PPP6R2: variants seen among roughly 807,000 people sequenced by gnomAD.
PPP6R2 encodes the protein serine/threonine-protein phosphatase 6 regulatory subunit 2.
In PPP6R2, 62 loss-of-function variants were observed where a neutral mutation model predicts 100.2. That is an observed-to-expected ratio of 0.62 (90% CI 0.50 to 0.76). The LOEUF is 0.76. PPP6R2 is among the 30% of genes least tolerant of loss of function. PPP6R2 has a pLI of 0.00. For synonymous variants in PPP6R2, 525 were observed against 514.7 expected, an observed-to-expected ratio of 1.02 and a Z score of -0.27; for missense variants, 1,142 against 1,276.3, an observed-to-expected ratio of 0.89 and a Z score of 1.60.
intron 1 of PPP6R2, among the ~76,000 whole-genome samples, chr22:50,350,270 G>A (rs966063623): frequency 6.6e-6 from 1 of 151,716 alleles, no homozygotes; most frequent in Non-Finnish European, 1.5e-5. Flanking sequence ...CCCTCTTGTT[G>A]CCCTGGCTGG....
chr22:50,405,520 T>G, intron 3 of PPP6R2, among the ~76,000 whole-genome samples: 1 of 96,058 alleles, frequency 1.0e-5, no homozygotes, highest in Non-Finnish European at 2.1e-5. Flanking sequence ...TGGAGAGAGG[T>G]GAGAGGCCTG....
At chr22:50,413,093 G>A (rs1162189786) in intron 4 of PPP6R2, among the ~76,000 whole-genome samples, 2 of 151,704 alleles carry the variant, frequency 1.3e-5, no homozygotes, top group African/African-American at 4.8e-5. Flanking sequence ...GAGTAGCTGG[G>A]ATTACAGGCA....
chr22:50,343,029 G>A (rs2042582058), upstream of PPP6R2, among the ~76,000 whole-genome samples: 1 of 152,230 alleles, frequency 6.6e-6, no homozygotes, highest in Non-Finnish European at 1.5e-5. Flanking sequence ...CGGGCCACGC[G>A]AGGATTGTTT....
At chr22:50,410,028 T>C (rs2059521945) in intron 4 of PPP6R2, among the ~76,000 whole-genome samples, 1 of 152,166 alleles carries the variant, frequency 6.6e-6, no homozygotes, top group African/African-American at 2.4e-5. Flanking sequence ...GCACACGGCC[T>C]ATTTTGTTTT....
chr22:50,430,816 G>T (rs1431642439), intron 10 of PPP6R2, among the ~76,000 whole-genome samples: 2 of 150,118 alleles, frequency 1.3e-5, no homozygotes, highest in African/African-American at 4.9e-5. Flanking sequence ...AGGGGTTGCA[G>T]TGAGCCGAGA....
At chr22:50,437,713 G>A in intron 16 of PPP6R2, 110 bp downstream of exon 16, 3 of 1,386,978 alleles carry the variant, frequency 2.2e-6, no homozygotes, top group Non-Finnish European at 3.0e-6. Flanking sequence ...GATGTCCCCG[G>A]GAGACAGCAG....
the PPP6R2 span, among the ~76,000 whole-genome samples, chr22:50,332,465 C>T: frequency 1.3e-5 from 2 of 150,462 alleles, no homozygotes; most frequent in Non-Finnish European, 1.5e-5. Flanking sequence ...CTCCTGACCT[C>T]GTGATCCGCC....
At chr22:50,364,520 T>C (rs2148391169) in intron 1 of PPP6R2, among the ~76,000 whole-genome samples, 1 of 152,288 alleles carries the variant, frequency 6.6e-6, no homozygotes, top group East Asian at 1.9e-4. Flanking sequence ...TAGACTTCAA[T>C]ATATTTAAAA....
intron 3 of PPP6R2, 23 bp downstream of exon 3, chr22:50,394,158 G>A: frequency 6.2e-7 from 1 of 1,609,310 alleles, no homozygotes; most frequent in Non-Finnish European, 8.5e-7. Flanking sequence ...GCTGTGACGG[G>A]CCAGTACGCC....
chr22:50,397,638 C>T (rs1009727651), intron 3 of PPP6R2, among the ~76,000 whole-genome samples: 1 of 122,330 alleles, frequency 8.2e-6, no homozygotes, highest in African/African-American at 4.0e-5. Flanking sequence ...TCCTCACCAG[C>T]CTTGTCATCT....
chr22:50,365,548 G>A (rs1328093280), intron 1 of PPP6R2, among the ~76,000 whole-genome samples: 2 of 151,600 alleles, frequency 1.3e-5, no homozygotes, highest in South Asian at 2.1e-4. Context: ...GCGTGGTGGC[G>A]GGCGCCTGTA....
rs764404224 is a variant in PPP6R2 at position 50,423,657 on chromosome 22, C to G, written c.1125+43C>G. ...CCAGCCCTGCATGTCTGTGAGTGTG[C>G]CGGGCATGGCCTGTGGACTTGTCAG... On this transcript the variant is annotated intron_variant, in intron 10 of 23. Coordinates refer to ENST00000612753, the MANE Select transcript of PPP6R2 (RefSeq NM_001242898.2). This position sits in a 1 kb window ranked among gnomAD's most constrained non-coding sequence, Gnocchi z 4.8. 1 of 1,608,122 alleles carries G rather than the reference C, an allele frequency of 6.2e-7. No individual in the cohort carries two copies. Among genetic ancestry groups the G allele is most frequent in the Non-Finnish European group, 8.5e-7 (1 of 1,176,118 alleles).
intron 2 of PPP6R2, among the ~76,000 whole-genome samples, chr22:50,377,966 G>A (rs1157737327): frequency 2.6e-5 from 4 of 151,826 alleles, no homozygotes; most frequent in African/African-American, 7.2e-5. Context: ...GAGCTTGAGC[G>A]CTCCAGCCTG....
In PPP6R2 at chr22:50,398,692, T is replaced by G. The variant is rs554717869; in HGVS notation, c.227+4557T>G. ...CAGCATGCCTGGCTAATTTTTTGTA[T>G]TTTTAGAAGAGACGGGGTTACCATG... On this transcript the variant is annotated intron_variant, in intron 3 of 23. Transcript: ENST00000612753. Among the ~76,000 whole-genome samples, 11 of 151,584 alleles carry G rather than the reference T, an allele frequency of 7.3e-5. No individual in the cohort carries two copies. In the East Asian group the frequency reaches 2.0e-3, roughly 27 times the overall value.
In PPP6R2 at chr22:50,422,388, GC is replaced by G; in HGVS notation, c.972+10del. The G allele has an allele frequency of 6.2e-7, 1 of 1,613,672 alleles. No individual in the cohort carries two copies. The highest frequency in any genetic ancestry group is 8.5e-7 in the Non-Finnish European group (1 of 1,179,726). ...CTGCTCAACCCGCCCAAGGTAAATG[GC>G]CGTGGCGACTGCTGAGTGCCTTTGG... On this transcript the variant is annotated intron_variant, in intron 9 of 23. Transcript: ENST00000612753.
intron 1 of PPP6R2, among the ~76,000 whole-genome samples, chr22:50,365,352 T>C (rs2048546011): frequency 6.6e-6 from 1 of 152,010 alleles, no homozygotes; most frequent in Non-Finnish European, 1.5e-5. Flanking sequence ...ATTACAGGTA[T>C]GAGCCGCCGT....
intron 22 of PPP6R2, among the ~76,000 whole-genome samples, chr22:50,442,801 C>G (rs1437581715): frequency 2.6e-5 from 4 of 151,650 alleles, no homozygotes; most frequent in African/African-American, 9.7e-5. Context: ...ATCCGCCTGC[C>G]TCGGCCTCCC....
At chr22:50,343,886 C>T (rs189337926) in intron 1 of PPP6R2, among the ~76,000 whole-genome samples, 15 of 15,838 alleles carry the variant, frequency 9.5e-4, no homozygotes, top group East Asian at 4.0e-3. Flanking sequence ...AGTCAGTGCC[C>T]CCTCCAGTCA....
At chr22:50,405,931 T>G (rs1320228757) in intron 3 of PPP6R2, among the ~76,000 whole-genome samples, 7 of 67,614 alleles carry the variant, frequency 1.0e-4, no homozygotes, top group Admixed American at 3.6e-4. Flanking sequence ...TGGAGAGAGG[T>G]GAGAGGCCTG....
Sources: allele counts gnomAD v4.1 joint callset (sites outside exome capture counted in the v4.1 genomes callset), GRCh38; gene constraint gnomAD v4.1.1; non-coding constraint Gnocchi (gnomAD v3.1); transcripts MANE v1.5; gene names NCBI Gene and HGNC (gene_info 2026-07-23, HGNC 2026-07-21).